GCA: variants seen among roughly 807,000 people sequenced by gnomAD.
GCA encodes the protein grancalcin, also known as grancalcin, EF-hand calcium-binding protein.
In GCA, 30 loss-of-function variants were observed where a neutral mutation model predicts 32.6. The observed-to-expected ratio is 0.92, with a 90% confidence interval of 0.69 to 1.25. GCA has a LOEUF of 1.25. Among genes scored for constraint, GCA ranks in the 50% most tolerant of loss-of-function variants. The probability of loss-of-function intolerance (pLI) is 0.00; values close to 1 mark genes in which losing one functional copy is unlikely to be tolerated. For synonymous variants in GCA, 102 were observed against 84.6 expected, an observed-to-expected ratio of 1.21 and a Z score of -1.13; for missense variants, 291 against 266.8, an observed-to-expected ratio of 1.09 and a Z score of -0.63.
At chr2:162,350,819 A>T (rs1244709638) in intron 2 of GCA, among the ~76,000 whole-genome samples, 1 of 152,212 alleles carries the variant, frequency 6.6e-6, no homozygotes, top group African/African-American at 2.4e-5. Context: ...GGTAGATATT[A>T]GGAATATATA....
chr2:162,326,552 T>C (rs1683887507), intron 1 of GCA, among the ~76,000 whole-genome samples: 1 of 152,186 alleles, frequency 6.6e-6, no homozygotes, highest in African/African-American at 2.4e-5. Context: ...AATCTTGTTC[T>C]GTCACCCAGG....
chr2:162,371,728 C>G (rs183509596), downstream of GCA: 32 of 1,130,102 alleles, frequency 2.8e-5, no homozygotes, highest in African/African-American at 2.2e-4. Context: ...TATAATGGTA[C>G]CTTGTGAGCC....
intron 1 of GCA, among the ~76,000 whole-genome samples, 160 bp from the exon 2 acceptor site, chr2:162,347,418 G>C (rs1237708962): frequency 6.6e-6 from 1 of 152,048 alleles, no homozygotes; most frequent in African/African-American, 2.4e-5. Context: ...TCTTAATGTA[G>C]GACATCTAAC....
rs570929661 is a variant in GCA at position 162,322,417 on chromosome 2, A to ATTTAT, written c.-31+3194_-31+3195insTATTT. Among the ~76,000 whole-genome samples the ATTTAT allele has an allele frequency of 2.0e-5, 3 of 147,928 alleles. No homozygotes were observed. In the East Asian group the frequency reaches 5.9e-4, roughly 29 times the overall value. ...TATTTATTTATTTATTTATTTATTT[A>ATTTAT]TTATTATACTTTAAGTTTTAGGGTA... On this transcript the variant is annotated intron_variant, in intron 1 of 4. Coordinates refer to the GCA transcript ENST00000429691.
rs1440312952 is a variant in GCA, at chr2:162,360,890, C to T, written c.*647C>T. 9.0e-7 allele frequency: 1 copy of T among 1,117,012 alleles called. No individual in the cohort carries two copies. The allele number at this position is 1,117,012 out of a possible 1,614,324, so 69.2% of individuals were successfully genotyped here. ...ATTTTTCTTAAATATGTTTTATTGTCTTCTCTAAGCAAAAAGTTCTTAATA... is the reference window on the plus strand; with the variant it reads ...ATTTTTCTTAAATATGTTTTATTGTTTTCTCTAAGCAAAAAGTTCTTAATA... On this transcript the variant is annotated 3_prime_UTR_variant, in exon 8 of 8. Transcript: ENST00000437150.
upstream of GCA, among the ~76,000 whole-genome samples, chr2:162,339,863 G>C (rs989445431): frequency 6.6e-6 from 1 of 152,128 alleles, no homozygotes; most frequent in African/African-American, 2.4e-5. Context: ...ACAGCCTATG[G>C]TATTTTGTTA....
downstream of GCA, chr2:162,373,537 T>A: frequency 6.3e-7 from 1 of 1,589,882 alleles, no homozygotes; most frequent in Non-Finnish European, 8.6e-7. Flanking sequence ...TCTCATCAGC[T>A]GGATGATGGG....
rs1685574768 is a variant in GCA, at chr2:162,361,636, C to T, written c.*1393C>T. On this transcript the variant is annotated 3_prime_UTR_variant, in exon 8 of 8. Transcript: ENST00000437150. ...GGAAGTAACGCATAGTCACTTGACACTGATAATTTTATATAATTTGCTGTC... is the reference window on the plus strand; with the variant it reads ...GGAAGTAACGCATAGTCACTTGACATTGATAATTTTATATAATTTGCTGTC... 29 of 983,522 alleles carry T rather than the reference C, an allele frequency of 2.9e-5. No individual in the cohort carries two copies. The highest frequency in any genetic ancestry group is 3.5e-5 in the Non-Finnish European group (29 of 828,436). The allele number at this position is 983,522 out of a possible 1,614,324, so 60.9% of individuals were successfully genotyped here. A position where few individuals can be genotyped will look rare whatever the true frequency, so the allele number is the denominator to read the frequency against.
chr2:162,343,868 A>C (rs565387425), upstream of GCA, among the ~76,000 whole-genome samples: 125 of 152,298 alleles, frequency 8.2e-4, no homozygotes, highest in African/African-American at 2.5e-3. Context: ...GAGAGTGGGA[A>C]TTCCGTTGCA....
chr2:162,372,466 G>A (rs983828570), downstream of GCA, among the ~76,000 whole-genome samples: 1 of 152,004 alleles, frequency 6.6e-6, no homozygotes, highest in Non-Finnish European at 1.5e-5. Flanking sequence ...AGAAAAGATG[G>A]GAAGATGGGA....
At chr2:162,360,117 C>G (rs1369743946) in intron 7 of GCA, 100 bp from the exon 8 acceptor site, 1 of 734,026 alleles carries the variant, frequency 1.4e-6, no homozygotes, top group East Asian at 3.0e-5. Flanking sequence ...TGGAAACAAA[C>G]TTTTCTCTCT....
intron 1 of GCA, among the ~76,000 whole-genome samples, chr2:162,344,859 G>T (rs1268455442): frequency 6.6e-6 from 1 of 152,172 alleles, no homozygotes; most frequent in East Asian, 1.9e-4. Flanking sequence ...CTGGTGGCTA[G>T]CCCCTTCTTT....
chr2:162,319,545 C>A, intron 1 of GCA: 1 of 206,266 alleles, frequency 4.8e-6, no homozygotes, highest in Non-Finnish European at 1.0e-5. Context: ...ACTTAATTAG[C>A]AACTAATGTA....
chr2:162,364,330 G>A (rs1434379214), downstream of GCA, among the ~76,000 whole-genome samples: 1 of 151,264 alleles, frequency 6.6e-6, no homozygotes, highest in Non-Finnish European at 1.5e-5. Context: ...AAAATAATAA[G>A]CCATTTTCAA....
intron 1 of GCA, among the ~76,000 whole-genome samples, chr2:162,321,161 C>T (rs986793326): frequency 6.6e-6 from 1 of 152,024 alleles, no homozygotes; most frequent in Non-Finnish European, 1.5e-5. Flanking sequence ...ATCCTTTTTT[C>T]ATCTATATTT....
intron 1 of GCA, among the ~76,000 whole-genome samples, chr2:162,332,822 T>G (rs1315303770): frequency 6.6e-6 from 1 of 151,994 alleles, no homozygotes; most frequent in East Asian, 1.9e-4. Context: ...TGACTAATAT[T>G]TAAACTGAGA....
intron 1 of GCA, among the ~76,000 whole-genome samples, chr2:162,329,748 T>C (rs1424808690): frequency 6.6e-6 from 1 of 152,076 alleles, no homozygotes; most frequent in Non-Finnish European, 1.5e-5. Flanking sequence ...ACTTGTGTCA[T>C]GGGGGTTTGT....
chr2:162,373,149 T>C (rs1174494158), downstream of GCA, among the ~76,000 whole-genome samples: 2 of 152,170 alleles, frequency 1.3e-5, no homozygotes, highest in African/African-American at 4.8e-5. Context: ...AGGAAGACTA[T>C]TCCTTAGATT....
At chr2:162,338,817 A>T (rs1684353448) in intron 1 of GCA, among the ~76,000 whole-genome samples, 1 of 152,228 alleles carries the variant, frequency 6.6e-6, no homozygotes, top group African/African-American at 2.4e-5. Context: ...AACATTATCT[A>T]CATATATATA....
Sources: allele counts gnomAD v4.1 joint callset (sites outside exome capture counted in the v4.1 genomes callset), GRCh38; gene constraint gnomAD v4.1.1; transcripts MANE v1.5; gene names NCBI Gene and HGNC (gene_info 2026-07-23, HGNC 2026-07-21).